SOX5: variants seen among roughly 807,000 people sequenced by gnomAD.
SOX5 encodes the protein SRY-box transcription factor 5, also known as transcription factor SOX-5.
SOX5 carries 9 observed loss-of-function variants against 92.0 expected under a neutral mutation model. That is an observed-to-expected ratio of 0.10 (90% CI 0.06 to 0.17). SOX5 has a LOEUF of 0.17. Among genes scored for constraint, SOX5 ranks in the 10% least tolerant of loss-of-function variants. The pLI is 1.00. For missense variants in SOX5, 642 were observed against 944.5 expected (o/e 0.68, Z 4.20); for synonymous variants, 344 against 336.3 (o/e 1.02, Z -0.25).
intron 2 of SOX5, chr12:24,357,418 C>T (rs1392231868): frequency 6.6e-6 from 1 of 152,186 alleles, no homozygotes; most frequent in East Asian, 1.9e-4. Flanking sequence ...TCCTCAGAAT[C>T]CTGCAGTGAT....
intron 2 of SOX5, among the ~76,000 whole-genome samples, chr12:24,288,348 T>C (rs2140479849): frequency 6.6e-6 from 1 of 152,314 alleles, no homozygotes; most frequent in Non-Finnish European, 1.5e-5. Flanking sequence ...TCTGTTTTTG[T>C]CTCTTACTTT....
intron 3 of SOX5, among the ~76,000 whole-genome samples, chr12:24,239,624 A>T (rs889583543): frequency 6.6e-6 from 1 of 152,190 alleles, no homozygotes; most frequent in African/African-American, 2.4e-5. Context: ...AGCTACAATT[A>T]TCTGGTCGCA....
At chr12:23,792,793 C>T (rs531910593) in intron 3 of SOX5, among the ~76,000 whole-genome samples, 13 of 152,058 alleles carry the variant, frequency 8.5e-5, no homozygotes, top group African/African-American at 2.7e-4. Context: ...ATCTGTCTTT[C>T]GAGCTGAGAA....
In SOX5 at chr12:23,786,657, G is replaced by A. The variant is rs539880071; in HGVS notation, c.482-30933C>T. 1.4e-4 allele frequency among the ~76,000 whole-genome samples: 15 copies of A among 110,858 alleles called. 2 individuals carry two copies. Among genetic ancestry groups the A allele is most frequent in the South Asian group, 3.0e-4 (1 of 3,280 alleles). 72.7% of individuals were successfully genotyped at this position (110,858 alleles called of 152,430 possible). On this transcript the variant is annotated intron_variant, in intron 3 of 14. Coordinates refer to ENST00000451604, the MANE Select transcript of SOX5 (RefSeq NM_006940.6). ...TTCTAGAAGAAATTGTAACAATAGC[G>A]TAGGTATGCAACTATAACATCAAAG...
chr12:23,642,686 C>T (rs1002664552), intron 7 of SOX5, among the ~76,000 whole-genome samples: 4 of 152,108 alleles, frequency 2.6e-5, no homozygotes, highest in Middle Eastern at 6.8e-3. Context: ...TTATCCTATA[C>T]GGTAAAGGAA....
chr12:23,898,396 T>C (rs927254615), intron 1 of SOX5, among the ~76,000 whole-genome samples: 1 of 152,176 alleles, frequency 6.6e-6, no homozygotes, highest in Non-Finnish European at 1.5e-5. Context: ...CTCTAGTCTA[T>C]TGACAAGAGC....
intron 4 of SOX5, among the ~76,000 whole-genome samples, chr12:24,023,820 TATTGCATG>T (rs957253708): frequency 5.3e-4 from 80 of 152,194 alleles, no homozygotes; most frequent in African/African-American, 1.8e-3. Context: ...ATTCATTATT[TATTGCATG>T]ATTGCCAGGC....
intron 2 of SOX5, among the ~76,000 whole-genome samples, chr12:24,361,467 C>T (rs1276096745): frequency 6.6e-6 from 1 of 152,098 alleles, no homozygotes; most frequent in Non-Finnish European, 1.5e-5. Flanking sequence ...TCATGGGGTA[C>T]TGTAGGAGGC....
intron 2 of SOX5, among the ~76,000 whole-genome samples, chr12:23,888,478 C>G (rs1012865355): frequency 1.3e-5 from 2 of 152,054 alleles, no homozygotes; most frequent in African/African-American, 4.8e-5. Flanking sequence ...TTACTCTCAA[C>G]AGAAGTACTT....
At chr12:23,655,483 T>A (rs1447714963) in intron 7 of SOX5, among the ~76,000 whole-genome samples, 1 of 152,174 alleles carries the variant, frequency 6.6e-6, no homozygotes, top group African/African-American at 2.4e-5. Context: ...AGTAGGAATT[T>A]GGAAGAGGGG....
intron 4 of SOX5, among the ~76,000 whole-genome samples, chr12:24,124,326 T>C (rs1295301963): frequency 1.3e-5 from 2 of 152,156 alleles, no homozygotes; most frequent in African/African-American, 2.4e-5. Context: ...AATGATGCTA[T>C]GCATACAACA....
At chr12:24,506,510 G>A (rs1948761406) in intron 1 of SOX5, among the ~76,000 whole-genome samples, 2 of 151,446 alleles carry the variant, frequency 1.3e-5, no homozygotes, top group African/African-American at 4.9e-5. Flanking sequence ...ATTGCTTTAG[G>A]TCCAATCATG....
chr12:23,854,213 A>C (rs958340920), intron 2 of SOX5, among the ~76,000 whole-genome samples: 1 of 152,118 alleles, frequency 6.6e-6, no homozygotes, highest in Non-Finnish European at 1.5e-5. Flanking sequence ...GTAGTTTTTT[A>C]ATACAGAGCA....
chr12:23,985,576 G>C (rs1026521741), intron 4 of SOX5, among the ~76,000 whole-genome samples: 2 of 152,042 alleles, frequency 1.3e-5, no homozygotes, highest in African/African-American at 4.8e-5. Context: ...AAACAAACTT[G>C]AAACAGAAAT....
chr12:23,558,680 G>A (rs999497085), intron 11 of SOX5, among the ~76,000 whole-genome samples: 6 of 152,172 alleles, frequency 3.9e-5, no homozygotes, highest in Admixed American at 2.6e-4. Flanking sequence ...CTGGCTCACC[G>A]CAACCTCTGC....
At chr12:23,993,929 ATGTG>A (rs762786182) in intron 4 of SOX5, among the ~76,000 whole-genome samples, 14 of 152,070 alleles carry the variant, frequency 9.2e-5, no homozygotes, top group East Asian at 3.9e-4. Flanking sequence ...GTATGCATGT[ATGTG>A]TGTATGTTTG....
chr12:23,646,334 C>G (rs1025317018), intron 7 of SOX5, among the ~76,000 whole-genome samples: 1 of 152,110 alleles, frequency 6.6e-6, no homozygotes. Flanking sequence ...ACCACTCCAA[C>G]CAGCTAATTT....
At chr12:24,511,802 C>CA (rs1222174426) in intron 1 of SOX5, among the ~76,000 whole-genome samples, 2 of 151,710 alleles carry the variant, frequency 1.3e-5, no homozygotes, top group Non-Finnish European at 2.9e-5. Context: ...ACTAAAACTA[C>CA]AAAAAATTAG....
At chr12:23,551,589 C>T (rs147910004) in intron 11 of SOX5, among the ~76,000 whole-genome samples, 2,553 of 151,958 alleles carry the variant, frequency 0.017, 30 homozygotes, top group South Asian at 0.028. Flanking sequence ...CTAATTTTAC[C>T]TCCATCAAGT....
Sources: gnomAD v4.1 joint callset for allele counts (sites outside exome capture counted in the v4.1 genomes callset) on GRCh38, gnomAD v4.1.1 for gene constraint, MANE v1.5 for transcripts, NCBI Gene and HGNC (gene_info 2026-07-23, HGNC 2026-07-21) for gene names.